CDK12: variants seen among roughly 807,000 people sequenced by gnomAD.
CDK12 encodes the protein cyclin-dependent kinase 12.
In CDK12, 17 loss-of-function variants were observed where a neutral mutation model predicts 133.8. The ratio of observed to expected loss-of-function variants is 0.13; its 90% CI spans 0.09 to 0.19. The LOEUF (loss-of-function observed/expected upper bound fraction) is 0.19, where lower values mean the gene tolerates loss of function less well. CDK12 is among the 10% of genes least tolerant of loss of function. The probability of loss-of-function intolerance (pLI) is 1.00; values close to 1 mark genes in which losing one functional copy is unlikely to be tolerated. For synonymous variants in CDK12, 694 were observed against 683.6 expected, an observed-to-expected ratio of 1.02 and a Z score of -0.24; for missense variants, 1,508 against 1,818.7, an observed-to-expected ratio of 0.83 and a Z score of 3.11.
chr17:39,496,880 T>A (rs2052158030), intron 5 of CDK12, among the ~76,000 whole-genome samples: 1 of 146,768 alleles, frequency 6.8e-6, no homozygotes, highest in Admixed American at 6.8e-5. Context: ...TGGGTGTCCA[T>A]CTCAGTGTAT....
At chr17:39,563,463 G>GCAC (rs781306878) in intron 3 of CDK12, among the ~76,000 whole-genome samples, 1 of 31,750 alleles carries the variant, frequency 3.1e-5, no homozygotes, top group Admixed American at 4.1e-4. Context: ...CTTGCTTCCC[G>GCAC]CCCCCCCCCC....
chr17:39,552,948 C>CA (rs1471011369), intron 2 of CDK12, among the ~76,000 whole-genome samples: 5 of 152,148 alleles, frequency 3.3e-5, no homozygotes, highest in Non-Finnish European at 7.4e-5. Context: ...AGGCTGGTCT[C>CA]AAACTCCTGA....
intron 2 of CDK12, among the ~76,000 whole-genome samples, chr17:39,553,239 G>A (rs576769808): frequency 6.6e-5 from 10 of 152,168 alleles, no homozygotes; most frequent in African/African-American, 2.2e-4. Flanking sequence ...GTTGAAGAGA[G>A]ATCTGGATGA....
chr17:39,562,909 T>C (rs1403972060), intron 3 of CDK12, among the ~76,000 whole-genome samples: 3 of 147,166 alleles, frequency 2.0e-5, no homozygotes, highest in Admixed American at 6.8e-5. Flanking sequence ...TTTCTTTTTT[T>C]TTTTTTTTTT....
chr17:39,529,241 T>C (rs1444781107), intron 13 of CDK12, among the ~76,000 whole-genome samples: 1 of 152,196 alleles, frequency 6.6e-6, no homozygotes, highest in African/African-American at 2.4e-5. Flanking sequence ...CCATCTTTTG[T>C]ACTGTACAAC....
At chr17:39,554,070 AG>A (rs2056058477) in intron 2 of CDK12, among the ~76,000 whole-genome samples, 1 of 152,148 alleles carries the variant, frequency 6.6e-6, no homozygotes, top group Admixed American at 6.6e-5. Flanking sequence ...GGTGCACAGG[AG>A]GTACGGGGCA....
chr17:39,462,382 G>A lies in CDK12; in HGVS notation c.311G>A (p.Arg104Gln), dbSNP rs2144866417. Residue 104 changes from arginine (R) to glutamine (Q), a missense_variant, in exon 1 of 14, where the codon CGG (arginine) becomes CAG (glutamine). Transcript: ENST00000447079. ...AACGACGAACGTCGTGGATCAGATCGGAGCGACCGCCTGCACAAACATCGT... is the reference window on the plus strand; with the variant it reads ...AACGACGAACGTCGTGGATCAGATCAGAGCGACCGCCTGCACAAACATCGT... ...RENDERRGSDRSDRLHKHRHH... is the reference protein window; with the variant it reads ...RENDERRGSDQSDRLHKHRHH... 6.2e-7 allele frequency: 1 copy of A among 1,614,152 alleles called. No individual in the cohort carries two copies. Among genetic ancestry groups the A allele is most frequent in the Non-Finnish European group, 8.5e-7 (1 of 1,180,026 alleles).
chr17:39,520,456 T>TG (rs1386917967), intron 11 of CDK12, among the ~76,000 whole-genome samples: 1 of 152,100 alleles, frequency 6.6e-6, no homozygotes, highest in Non-Finnish European at 1.5e-5. Context: ...AATGCAGTGG[T>TG]GCAACTCAGC....
chr17:39,537,561 ATTTAT>A (rs561883669), downstream of CDK12, among the ~76,000 whole-genome samples: 967 of 149,574 alleles, frequency 6.5e-3, 13 homozygotes, highest in African/African-American at 0.023. Context: ...TTATTTATTT[ATTTAT>A]TTATTTATTT....
intron 2 of CDK12, among the ~76,000 whole-genome samples, chr17:39,473,940 C>G (rs945718443): frequency 6.6e-6 from 1 of 151,790 alleles, no homozygotes; most frequent in Non-Finnish European, 1.5e-5. Context: ...GCCTGTAATC[C>G]CAGCTACTCA....
At chr17:39,478,028 A>ATT (rs371201748) in intron 2 of CDK12, among the ~76,000 whole-genome samples, 2 of 108,138 alleles carry the variant, frequency 1.8e-5, no homozygotes, top group African/African-American at 3.4e-5. Flanking sequence ...TTTAAACATG[A>ATT]TTTTTTTTTT....
At chr17:39,529,168 C>G (rs1449614699) in intron 13 of CDK12, among the ~76,000 whole-genome samples, 1 of 152,120 alleles carries the variant, frequency 6.6e-6, no homozygotes, top group Non-Finnish European at 1.5e-5. Flanking sequence ...TGGAAAACCC[C>G]CTCAGTCCCA....
chr17:39,549,990 C>T (rs7219909), upstream of CDK12: 94,218 of 149,020 alleles, frequency 0.63, 31,874 homozygotes, highest in South Asian at 0.89. Context: ...CTCATGCTTT[C>T]TCTCTCTCTC....
chr17:39,497,171 A>T (rs1236965841), intron 5 of CDK12, among the ~76,000 whole-genome samples: 1 of 152,176 alleles, frequency 6.6e-6, no homozygotes, highest in East Asian at 1.9e-4. Context: ...TCCCCAGCTG[A>T]TCCGCCCACC....
intron 3 of CDK12, 23 bp from the exon 4 acceptor site, chr17:39,492,728 A>G (rs757398108): frequency 2.7e-6 from 4 of 1,491,874 alleles, no homozygotes; most frequent in East Asian, 5.4e-5. Flanking sequence ...TTAAATAACT[A>G]TTTTGTTGTT....
chr17:39,538,134 A>C (rs568535892), downstream of CDK12, among the ~76,000 whole-genome samples: 1 of 152,322 alleles, frequency 6.6e-6, no homozygotes, highest in Admixed American at 6.5e-5. Flanking sequence ...GCAATATGTA[A>C]GGACATTTAC....
At chr17:39,485,614 A>C (rs4462633) in intron 2 of CDK12, among the ~76,000 whole-genome samples, 95,903 of 151,318 alleles carry the variant, frequency 0.63, 33,073 homozygotes, top group South Asian at 0.89. Flanking sequence ...AGGGTTTCAC[A>C]ATGTTTGCCA....
chr17:39,466,615 G>GAAAAAAAAAA (rs71147339), intron 1 of CDK12, among the ~76,000 whole-genome samples: 1 of 31,482 alleles, frequency 3.2e-5, no homozygotes, highest in African/African-American at 9.9e-5. Context: ...AACTCTATCT[G>GAAAAAAAAAA]AAAAAAAAAA....
intron 3 of CDK12, among the ~76,000 whole-genome samples, chr17:39,563,991 G>C (rs2056484600): frequency 6.6e-6 from 1 of 152,162 alleles, no homozygotes; most frequent in Non-Finnish European, 1.5e-5. Flanking sequence ...GGCCTGGGTG[G>C]CCAAGGGGCA....
Sources: gnomAD v4.1 joint callset for allele counts (sites outside exome capture counted in the v4.1 genomes callset) on GRCh38, gnomAD v4.1.1 for gene constraint, MANE v1.5 for transcripts, NCBI Gene and HGNC (gene_info 2026-07-23, HGNC 2026-07-21) for gene names.